TBC1D22A: variants seen among roughly 807,000 people sequenced by gnomAD.
TBC1D22A encodes the protein putative GTPase activator.
TBC1D22A carries 38 observed loss-of-function variants against 60.2 expected under a neutral mutation model. The ratio of observed to expected loss-of-function variants is 0.63; its 90% CI spans 0.49 to 0.83. The LOEUF (loss-of-function observed/expected upper bound fraction) is 0.83. Among genes scored for constraint, TBC1D22A ranks in the 40% least tolerant of loss-of-function variants. The probability of loss-of-function intolerance (pLI) is 0.00; values close to 1 mark genes in which losing one functional copy is unlikely to be tolerated. For synonymous variants in TBC1D22A, 302 were observed against 281.7 expected (o/e 1.07, Z -0.72); for missense variants, 628 against 701.0 (o/e 0.90, Z 1.18).
chr22:46,782,851 C>T (rs548742930), intron 1 of TBC1D22A, among the ~76,000 whole-genome samples: 23 of 152,320 alleles, frequency 1.5e-4, no homozygotes, highest in South Asian at 6.2e-4. Context: ...GGTTAGGCCA[C>T]GTTGTATTGA....
chr22:47,129,902 C>G (rs563134763), intron 12 of TBC1D22A, among the ~76,000 whole-genome samples: 3 of 152,328 alleles, frequency 2.0e-5, no homozygotes, highest in Admixed American at 6.5e-5. Context: ...TCTCTCAATG[C>G]TGTTCTTAAT....
chr22:46,991,576 C>T (rs751181897), intron 9 of TBC1D22A, among the ~76,000 whole-genome samples: 5 of 152,216 alleles, frequency 3.3e-5, no homozygotes, highest in Non-Finnish European at 5.9e-5. Context: ...CCGTGGGAAG[C>T]GCGTGTAGTC....
chr22:46,837,052 A>G (rs899903374), intron 4 of TBC1D22A, among the ~76,000 whole-genome samples: 8 of 151,846 alleles, frequency 5.3e-5, no homozygotes, highest in Admixed American at 5.3e-4. Context: ...TCCTAGGTGC[A>G]TATTTGATGT....
rs1312832606 is a variant in TBC1D22A, at chr22:47,009,492, ATCACCATCATCACCACCATCATCT to A, written c.1201+11793_1201+11816del. On this transcript the variant is annotated intron_variant, in intron 10 of 12. Coordinates refer to ENST00000337137, the MANE Select transcript of TBC1D22A (RefSeq NM_014346.5). This position sits in a 1 kb window ranked among gnomAD's most constrained non-coding sequence, Gnocchi z 5.8. ...TCGTCATCACTATCACCATCATTTCATCACCATCATCACCACCATCATCTTCACCATCACCATCATCATCATTGC... is the reference window on the plus strand; with the variant it reads ...TCGTCATCACTATCACCATCATTTCATCACCATCACCATCATCATCATTGC... Among the ~76,000 whole-genome samples the A allele has an allele frequency of 1.9e-3, 166 of 86,894 alleles. No individual in the cohort carries two copies. The highest frequency in any genetic ancestry group is 5.7e-3 in the African/African-American group (159 of 28,128). 57.0% of individuals were successfully genotyped at this position (86,894 alleles called of 152,430 possible).
At chr22:46,860,314 T>C (rs6008998) in intron 4 of TBC1D22A, among the ~76,000 whole-genome samples, 251 of 22,932 alleles carry the variant, frequency 0.011, 2 homozygotes, top group African/African-American at 0.026. Flanking sequence ...TAGAGGTCCG[T>C]GCAGTGCTGT....
chr22:46,862,425 GC>G (rs2147360456), intron 4 of TBC1D22A, among the ~76,000 whole-genome samples: 1 of 152,238 alleles, frequency 6.6e-6, no homozygotes, highest in African/African-American at 2.4e-5. Flanking sequence ...ATTTTCTCTT[GC>G]CGTGAGCCTT....
chr22:46,965,717 C>G (rs1029952433), intron 8 of TBC1D22A, among the ~76,000 whole-genome samples: 1 of 152,226 alleles, frequency 6.6e-6, no homozygotes, highest in East Asian at 1.9e-4. Context: ...GCAGCAGGCA[C>G]GACGTCTGCC....
intron 10 of TBC1D22A, among the ~76,000 whole-genome samples, chr22:47,001,873 G>A (rs2061421115): frequency 6.6e-6 from 1 of 152,124 alleles, no homozygotes; most frequent in Non-Finnish European, 1.5e-5. Context: ...TGTTAGAATA[G>A]GGCATGTGTC....
chr22:46,995,414 T>C (rs2239755), intron 9 of TBC1D22A, among the ~76,000 whole-genome samples: 64,134 of 152,018 alleles, frequency 0.42, 15,089 homozygotes, highest in African/African-American at 0.65. Context: ...GAAAAATCCT[T>C]AGGGCCTCGT....
chr22:46,995,440 T>C (rs2075087518), intron 9 of TBC1D22A, among the ~76,000 whole-genome samples: 2 of 152,180 alleles, frequency 1.3e-5, no homozygotes, highest in African/African-American at 2.4e-5. Flanking sequence ...TTTTTTGTGT[T>C]CTGTGCCACA....
intron 5 of TBC1D22A, among the ~76,000 whole-genome samples, chr22:46,886,194 C>T (rs970129144): frequency 3.3e-5 from 5 of 152,178 alleles, no homozygotes; most frequent in South Asian, 4.1e-4. Flanking sequence ...CCGCCGCGCC[C>T]GGCCAGTCAC....
At chr22:47,052,112 A>G (rs1355183596) in intron 11 of TBC1D22A, among the ~76,000 whole-genome samples, 2 of 152,164 alleles carry the variant, frequency 1.3e-5, no homozygotes, top group African/African-American at 4.8e-5. Flanking sequence ...GTCCTCTGTC[A>G]CTCTGAACAT....
chr22:46,857,979 C>T (rs1465704746), intron 4 of TBC1D22A, among the ~76,000 whole-genome samples: 3 of 152,122 alleles, frequency 2.0e-5, no homozygotes, highest in Non-Finnish European at 2.9e-5. Flanking sequence ...TCCTTTCTCT[C>T]GGGGATATAC....
intron 12 of TBC1D22A, among the ~76,000 whole-genome samples, chr22:47,149,163 C>G (rs534626098): frequency 6.6e-6 from 1 of 152,124 alleles, no homozygotes; most frequent in East Asian, 1.9e-4. Context: ...GCTCGGGGGC[C>G]CTTCCAGAGC....
At chr22:47,113,685 G>GCTCCCAA in intron 12 of TBC1D22A, among the ~76,000 whole-genome samples, 1 of 152,236 alleles carries the variant, frequency 6.6e-6, no homozygotes, top group East Asian at 1.9e-4. Flanking sequence ...CCCAAATAGG[G>GCTCCCAA]ACAGTGTCAC....
intron 11 of TBC1D22A, among the ~76,000 whole-genome samples, chr22:47,075,665 TA>T (rs1569421880): frequency 2.0e-5 from 3 of 152,164 alleles, no homozygotes; most frequent in Non-Finnish European, 4.4e-5. Context: ...GCAGTAAAAG[TA>T]AAAATCATGA....
chr22:46,953,693 TG>T (rs1312407852), intron 8 of TBC1D22A, among the ~76,000 whole-genome samples: 2 of 152,266 alleles, frequency 1.3e-5, no homozygotes, highest in African/African-American at 4.8e-5. Flanking sequence ...ATTGTCTTTT[TG>T]TCCTGCATAA....
rs545760664 is a variant in TBC1D22A at position 47,068,472 on chromosome 22, T to TA, written c.1329+31275dup. On this transcript the variant is annotated intron_variant, in intron 11 of 12. Coordinates refer to ENST00000337137, the MANE Select transcript of TBC1D22A (RefSeq NM_014346.5). ...GCTCTTCTGGTGGGGACTTTGATGT[T>TA]ACGACTTGCAGCACCACAGAGCACC... Among the ~76,000 whole-genome samples the TA allele has an allele frequency of 2.0e-5, 3 of 152,364 alleles. No homozygotes were observed. The South Asian group carries it at 6.2e-4, about 32-fold the overall frequency.
chr22:46,923,440 C>G (rs977772837), intron 8 of TBC1D22A, among the ~76,000 whole-genome samples: 7 of 152,250 alleles, frequency 4.6e-5, no homozygotes, highest in Non-Finnish European at 7.3e-5. Flanking sequence ...CTGGGCCCTT[C>G]CCCATCTCTT....
Sources: allele counts gnomAD v4.1 joint callset (sites outside exome capture counted in the v4.1 genomes callset), GRCh38; gene constraint gnomAD v4.1.1; non-coding constraint Gnocchi (gnomAD v3.1); transcripts MANE v1.5; gene names NCBI Gene and HGNC (gene_info 2026-07-23, HGNC 2026-07-21).